Variants in ASCC1 observed in about 807,000 individuals in gnomAD.
The protein encoded by ASCC1 is activating signal cointegrator 1 complex subunit 1.
Under a neutral mutation model 46.6 loss-of-function variants are expected in ASCC1, and 35 were observed. The ratio of observed to expected loss-of-function variants is 0.75; its 90% CI spans 0.57 to 0.99. The LOEUF (loss-of-function observed/expected upper bound fraction) is 0.99. Ranked by LOEUF, ASCC1 falls within the 50% of genes least tolerant of loss-of-function variation. The pLI is 0.00. For synonymous variants in ASCC1, 143 were observed against 146.6 expected (o/e 0.98, Z 0.18); for missense variants, 376 against 428.7 (o/e 0.88, Z 1.09).
chr10:72,143,108 C>T (rs926138748), intron 7 of ASCC1, among the ~76,000 whole-genome samples: 1 of 142,240 alleles, frequency 7.0e-6, no homozygotes, highest in Non-Finnish European at 1.5e-5. Context: ...TTGCAGTGAG[C>T]AGAGATGGTG....
intron 3 of ASCC1, among the ~76,000 whole-genome samples, chr10:72,210,016 C>T (rs1394531761): frequency 1.3e-5 from 2 of 152,056 alleles, no homozygotes; most frequent in Non-Finnish European, 2.9e-5. Flanking sequence ...CACCTCCCAT[C>T]GTTTTTGCTC....
chr10:72,210,140 G>T (rs972419747), intron 3 of ASCC1, among the ~76,000 whole-genome samples: 1 of 150,414 alleles, frequency 6.6e-6, no homozygotes, highest in African/African-American at 2.5e-5. Context: ...AGAGTCATGA[G>T]CCAATGAAAC....
chr10:72,184,205 G>A (rs1470583881), intron 5 of ASCC1, among the ~76,000 whole-genome samples: 2 of 146,730 alleles, frequency 1.4e-5, no homozygotes, highest in Non-Finnish European at 3.0e-5. Context: ...AAGAAGAGAT[G>A]AACAGAAACA....
chr10:72,130,352 T>C (rs1229239167), intron 8 of ASCC1, among the ~76,000 whole-genome samples: 1 of 152,196 alleles, frequency 6.6e-6, no homozygotes. Flanking sequence ...CTAAATTATA[T>C]ATATATATCA....
chr10:72,172,753 ATTTTTATATTATATATTATAT>A (rs1427917479), intron 5 of ASCC1, among the ~76,000 whole-genome samples: 9 of 118,914 alleles, frequency 7.6e-5, no homozygotes, highest in South Asian at 5.2e-4. Flanking sequence ...TATATTATAT[ATTTTTATATTATATATTATAT>A]TTTTTATATT....
At chr10:72,211,079 C>T (rs7073342) in intron 2 of ASCC1, among the ~76,000 whole-genome samples, 52,897 of 152,044 alleles carry the variant, frequency 0.35, 11,456 homozygotes, top group Non-Finnish European at 0.5. Flanking sequence ...GGGAAGGTAG[C>T]ATATGCATAC....
At chr10:72,216,988 G>C (rs1433949511), upstream of ASCC1, 13 of 455,290 alleles carry the variant, frequency 2.9e-5, no homozygotes, top group Admixed American at 3.1e-4. Flanking sequence ...ATGACACAGC[G>C]CTTCTCTATC....
chr10:72,151,219 G>A (rs1474931429), intron 7 of ASCC1, among the ~76,000 whole-genome samples: 1 of 152,180 alleles, frequency 6.6e-6, no homozygotes, highest in African/African-American at 2.4e-5. Context: ...ATGATAGACT[G>A]GATTAAGAAA....
intron 5 of ASCC1, chr10:72,190,124 T>C (rs573881457): frequency 1.8e-5 from 14 of 760,692 alleles, no homozygotes; most frequent in African/African-American, 6.8e-5. Context: ...TTACATTATA[T>C]ATAGGATTCA....
chr10:72,174,194 T>C (rs1851587026), intron 5 of ASCC1, among the ~76,000 whole-genome samples: 1 of 152,134 alleles, frequency 6.6e-6, no homozygotes, highest in Admixed American at 6.6e-5. Flanking sequence ...GCATGGAGCT[T>C]AGCCCTCTCA....
chr10:72,114,422 G>A (rs1035559663), intron 9 of ASCC1, among the ~76,000 whole-genome samples: 3 of 152,008 alleles, frequency 2.0e-5, no homozygotes, highest in South Asian at 2.1e-4. Flanking sequence ...TCAGGAGATC[G>A]AGACCATCCT....
upstream of ASCC1, chr10:72,216,729 ATGTT>A: frequency 4.6e-6 from 2 of 430,526 alleles, no homozygotes; most frequent in Non-Finnish European, 9.4e-6. Flanking sequence ...CATGAAGTAA[ATGTT>A]TAAGCATCTT....
intron 5 of ASCC1, among the ~76,000 whole-genome samples, chr10:72,186,169 G>T (rs1003088816): frequency 2.7e-5 from 4 of 146,670 alleles, no homozygotes; most frequent in African/African-American, 9.9e-5. Flanking sequence ...AACTGTTTTT[G>T]TTTTTTTTTT....
chr10:72,142,474 C>T (rs1379924781), intron 7 of ASCC1, among the ~76,000 whole-genome samples: 1 of 151,952 alleles, frequency 6.6e-6, no homozygotes, highest in African/African-American at 2.4e-5. Flanking sequence ...TCAGACAATC[C>T]TCCTGCCACA....
At chr10:72,154,772 G>T (rs1022667379) in intron 6 of ASCC1, among the ~76,000 whole-genome samples, 2 of 152,116 alleles carry the variant, frequency 1.3e-5, no homozygotes, top group African/African-American at 4.8e-5. Context: ...GATTACAGGC[G>T]TGAGCCACTG....
chr10:72,215,307 G>A (rs2133583231), intron 1 of ASCC1, among the ~76,000 whole-genome samples: 1 of 152,336 alleles, frequency 6.6e-6, no homozygotes, highest in South Asian at 2.1e-4. Flanking sequence ...GCTGAGGCAC[G>A]AGAATGGCTT....
At chr10:72,149,408 C>A (rs188170615) in intron 7 of ASCC1, among the ~76,000 whole-genome samples, 1,845 of 145,294 alleles carry the variant, frequency 0.013, 44 homozygotes, top group African/African-American at 0.044. Flanking sequence ...ACTGCACTCC[C>A]GCCTGGGCGA....
intron 9 of ASCC1, chr10:72,102,419 C>G: frequency 6.5e-7 from 1 of 1,548,854 alleles, no homozygotes; most frequent in Non-Finnish European, 8.7e-7. Flanking sequence ...ACACCTGTAG[C>G]ACAGTTAAGT....
rs190744442 is a variant in ASCC1 at position 72,204,320 on chromosome 10, G to A, written c.213-796C>T. ...ATATCTGAGGACTCATGGCAACAGC[G>A]AGCTACAGCCAACTCTCGACTACCC... is the stretch of plus-strand genomic sequence containing the variant. On this transcript the variant is annotated intron_variant, in intron 3 of 9. Coordinates refer to ENST00000672957, the MANE Select transcript of ASCC1 (RefSeq NM_001198800.3). 494 of 1,345,678 alleles carry A rather than the reference G, an allele frequency of 3.7e-4. 2 individuals carry two copies. The African/African-American group carries it at 6.5e-3, about 18-fold the overall frequency. 83.4% of individuals were successfully genotyped at this position (1,345,678 alleles called of 1,614,324 possible).
Sources: allele counts gnomAD v4.1 joint callset (sites outside exome capture counted in the v4.1 genomes callset), GRCh38; gene constraint gnomAD v4.1.1; transcripts MANE v1.5; gene names NCBI Gene and HGNC (gene_info 2026-07-23, HGNC 2026-07-21).